The following TRABD2B variants were observed in gnomAD, a reference collection of about 807,000 sequenced individuals.
The protein encoded by TRABD2B is TraB domain containing 2B, also known as metalloprotease TIKI2.
In TRABD2B, 14 loss-of-function variants were observed where a neutral mutation model predicts 40.1. The ratio of observed to expected loss-of-function variants is 0.35; its 90% confidence interval spans 0.23 to 0.55. TRABD2B has a LOEUF of 0.55. TRABD2B is among the 20% of genes least tolerant of loss of function. The pLI is 0.90. For missense variants in TRABD2B, 541 were observed against 648.6 expected (o/e 0.83, Z 1.80); for synonymous variants, 263 against 277.0 (o/e 0.95, Z 0.50).
At position 47,775,285 on chromosome 1, in the gene TRABD2B, G is replaced by A. The variant is rs1035769499; in HGVS notation, c.1234C>T (p.Pro412Ser). The change falls in exon 6 of 7, where the codon CCC becomes TCC. Residue 412 changes from proline (P) to serine (S), a missense_variant. Physicochemically the swap from Pro to Ser is moderately conservative, Grantham distance 74. Around this residue, in one of 2 missense-constraint regions of TRABD2B, gnomAD observed 172 missense variants for 155.8 expected, o/e 1.10. Coordinates refer to ENST00000606738, the MANE Select transcript of TRABD2B (RefSeq NM_001194986.2). ...DPALSPHLLL[P>S]DSLSQLEEFG... ...TCCTCCAGCTGGCTGAGGCTGTCGG[G>A]GAGCAGGAGGTGTGGGGACAGGGCT... 2.4e-6 allele frequency: 3 copies of A among 1,257,390 alleles called. No individual in the cohort carries two copies. The highest frequency in any genetic ancestry group is 3.1e-5 in the African/African-American group (2 of 65,138). 77.9% of individuals were successfully genotyped at this position (1,257,390 alleles called of 1,614,324 possible). A position where few individuals can be genotyped will look rare whatever the true frequency, so the allele number is the denominator to read the frequency against.
chr1:47,841,846 C>T (rs1446063362), intron 2 of TRABD2B, among the ~76,000 whole-genome samples: 7 of 145,468 alleles, frequency 4.8e-5, no homozygotes, highest in Non-Finnish European at 1.0e-4. Context: ...GATTTCAGCT[C>T]ACTGCAACCT....
At chr1:47,877,022 G>C (rs890312817) in intron 2 of TRABD2B, among the ~76,000 whole-genome samples, 29 of 152,120 alleles carry the variant, frequency 1.9e-4, no homozygotes, top group African/African-American at 7.0e-4. Context: ...GAGAGACAAA[G>C]AAATAAACAT....
intron 2 of TRABD2B, among the ~76,000 whole-genome samples, chr1:47,851,792 C>T (rs1645552771): frequency 6.6e-6 from 1 of 152,210 alleles, no homozygotes; most frequent in Non-Finnish European, 1.5e-5. Context: ...GCATCACTGT[C>T]CTGGGCCTTC....
chr1:47,849,627 T>C (rs1031097894), intron 2 of TRABD2B, among the ~76,000 whole-genome samples: 18 of 152,124 alleles, frequency 1.2e-4, no homozygotes, highest in African/African-American at 4.3e-4. Context: ...ATGGCAGAAG[T>C]TGTGTCTTTA....
At position 47,899,213 on chromosome 1, in the gene TRABD2B, C is replaced by T. The variant is rs115825760; in HGVS notation, c.666+94821G>A. Among the ~76,000 whole-genome samples the T allele has an allele frequency of 8.4e-3, 1,272 of 152,294 alleles. 13 individuals carry two copies. Among genetic ancestry groups the T allele is most frequent in the Middle Eastern group, 0.034 (10 of 294 alleles). On this transcript the variant is annotated intron_variant, in intron 2 of 6. Coordinates refer to ENST00000606738, the MANE Select transcript of TRABD2B (RefSeq NM_001194986.2). ...TATGTGCACAGGGCATGATCTTCTGCTTGCCCCACAGATCTTGGCATGCAT... is the reference window on the plus strand; with the variant it reads ...TATGTGCACAGGGCATGATCTTCTGTTTGCCCCACAGATCTTGGCATGCAT...
intron 2 of TRABD2B, among the ~76,000 whole-genome samples, chr1:47,934,989 CCT>C (rs1447272041): frequency 6.6e-6 from 1 of 152,134 alleles, no homozygotes; most frequent in African/African-American, 2.4e-5. Context: ...CTGCTAATGC[CCT>C]CTCTTTATCC....
intron 2 of TRABD2B, among the ~76,000 whole-genome samples, chr1:47,879,535 T>C (rs1157025426): frequency 6.6e-6 from 1 of 152,236 alleles, no homozygotes; most frequent in Non-Finnish European, 1.5e-5. Context: ...ATAATGTTGG[T>C]ACAACTATGA....
At chr1:47,821,390 C>T (rs930300442) in intron 2 of TRABD2B, among the ~76,000 whole-genome samples, 2 of 152,174 alleles carry the variant, frequency 1.3e-5, no homozygotes, top group Admixed American at 6.5e-5. Flanking sequence ...ATAAGAAATC[C>T]CAGGACTGTT....
At chr1:47,912,481 G>A (rs1383134946) in intron 2 of TRABD2B, among the ~76,000 whole-genome samples, 1 of 152,128 alleles carries the variant, frequency 6.6e-6, no homozygotes, top group African/African-American at 2.4e-5. Context: ...GTTTTGGTTT[G>A]TTGGGACCTT....
intron 2 of TRABD2B, among the ~76,000 whole-genome samples, chr1:47,943,266 T>C (rs1027799298): frequency 2.0e-5 from 3 of 152,226 alleles, no homozygotes; most frequent in African/African-American, 7.2e-5. Flanking sequence ...ATTTCACATG[T>C]GTGTGAAAGA....
chr1:47,769,281 T>C (rs1022870348), intron 6 of TRABD2B, among the ~76,000 whole-genome samples: 1 of 152,208 alleles, frequency 6.6e-6, no homozygotes, highest in African/African-American at 2.4e-5. Context: ...GTTGGTTTGG[T>C]GGGCTGGCTT....
At chr1:47,834,335 A>C (rs888753353) in intron 2 of TRABD2B, among the ~76,000 whole-genome samples, 1 of 152,216 alleles carries the variant, frequency 6.6e-6, no homozygotes, top group Non-Finnish European at 1.5e-5. Flanking sequence ...AAAAGCTAGG[A>C]AATAAGATGT....
At chr1:47,989,273 G>A (rs550769824) in intron 2 of TRABD2B, among the ~76,000 whole-genome samples, 1 of 152,330 alleles carries the variant, frequency 6.6e-6, no homozygotes, top group African/African-American at 2.4e-5. Flanking sequence ...AGGATGGAAA[G>A]GAGCTTTCAA....
At chr1:47,848,322 T>C (rs1645500447) in intron 2 of TRABD2B, among the ~76,000 whole-genome samples, 2 of 152,214 alleles carry the variant, frequency 1.3e-5, no homozygotes, top group Non-Finnish European at 2.9e-5. Flanking sequence ...ACAGCCAGTC[T>C]GTGACCAGGG....
chr1:47,977,644 C>A (rs1251909961), intron 2 of TRABD2B, among the ~76,000 whole-genome samples: 31 of 149,676 alleles, frequency 2.1e-4, no homozygotes. Context: ...TAGCTACTTC[C>A]TGGGACTCTT....
At chr1:47,951,148 G>A (rs1012830979) in intron 2 of TRABD2B, among the ~76,000 whole-genome samples, 2 of 152,188 alleles carry the variant, frequency 1.3e-5, no homozygotes, top group African/African-American at 2.4e-5. Context: ...TTCCTCCCCA[G>A]CGCCAAGCCA....
chr1:47,836,630 T>A (rs540664740), intron 2 of TRABD2B, among the ~76,000 whole-genome samples: 1 of 152,244 alleles, frequency 6.6e-6, no homozygotes, highest in Admixed American at 6.5e-5. Context: ...GATGCCTTCA[T>A]AGACAGAATG....
At chr1:47,974,810 A>C (rs778744443) in intron 2 of TRABD2B, among the ~76,000 whole-genome samples, 11 of 152,232 alleles carry the variant, frequency 7.2e-5, no homozygotes, top group Non-Finnish European at 1.0e-4. Flanking sequence ...ATACTACTTC[A>C]TCCAGGTGAT....
chr1:47,818,060 G>C (rs935971561), intron 2 of TRABD2B: 2 of 152,414 alleles, frequency 1.3e-5, no homozygotes, highest in African/African-American at 4.8e-5. Context: ...GGAGAGGCAG[G>C]GCTGCGCATA....
Sources: allele counts gnomAD v4.1 joint callset (sites outside exome capture counted in the v4.1 genomes callset), GRCh38; gene constraint gnomAD v4.1.1; regional missense constraint gnomAD v4.1.1; transcripts MANE v1.5; gene names NCBI Gene and HGNC (gene_info 2026-07-23, HGNC 2026-07-21).